ANKRD36C: variants seen among roughly 807,000 people sequenced by gnomAD.
The protein encoded by ANKRD36C is ankyrin repeat domain-containing protein 36C.
Under a neutral mutation model 276.4 loss-of-function variants are expected in ANKRD36C, and 61 were observed. The observed-to-expected ratio is 0.22, with a 90% CI of 0.18 to 0.27. ANKRD36C has a LOEUF of 0.27. Ranked by LOEUF, ANKRD36C falls within the 10% of genes least tolerant of loss-of-function variation. The pLI is 1.00. For synonymous variants in ANKRD36C, 483 were observed against 680.1 expected (o/e 0.71, Z 4.51); for missense variants, 1,447 against 2,032.3 (o/e 0.71, Z 5.54).
At chr2:95,944,636 A>G (rs1677983566) in exon 19 of ANKRD36C, 1 of 1,537,212 alleles carries the variant, frequency 6.5e-7, no homozygotes, top group African/African-American at 1.4e-5. Flanking sequence ...CCTTATCAAC[A>G]TTTTGGTCTT....
chr2:95,856,043 A>G lies in ANKRD36C; in HGVS notation c.4218T>C (p.Ile1406=), dbSNP rs1265499534. ...GAAGGTCTTCATGCTTTCTTTTCAC[A>G]ATTTCAAAGTCTTTTAAGTATTTCT... The change falls in exon 63 of 67, where the codon ATT becomes ATC. Residue 1406 remains isoleucine, a synonymous_variant. Transcript: ENST00000456556. 5.0e-6 allele frequency: 8 copies of G among 1,607,840 alleles called. No individual in the cohort carries two copies. The Admixed American group carries it at 6.8e-5, about 14-fold the overall frequency.
At chr2:95,912,267 T>C in exon 42 of ANKRD36C, 2 of 1,554,330 alleles carry the variant, frequency 1.3e-6, no homozygotes, top group Non-Finnish European at 1.7e-6. Flanking sequence ...TTCTCCATCC[T>C]TTTTTTCTCT....
In ANKRD36C at chr2:95,893,642, T is replaced by G. The variant is rs777132422; in HGVS notation, c.2756-1782A>C. 3 of 1,592,446 alleles carry G rather than the reference T, an allele frequency of 1.9e-6. No individual in the cohort carries two copies. The African/African-American group carries it at 4.1e-5, about 22-fold the overall frequency. ...TTGAAATGAAATAATAAATAAAATA[T>G]GTTTCATAGACCATACATTAACTCG... On this transcript the variant is annotated intron_variant, in intron 44 of 66. Transcript: ENST00000456556.
chr2:95,896,254 C>G (rs1381806044), intron 44 of ANKRD36C, among the ~76,000 whole-genome samples: 1 of 149,416 alleles, frequency 6.7e-6, no homozygotes, highest in African/African-American at 2.5e-5. Context: ...CTCTTGGCAC[C>G]AAAGGATAAT....
At chr2:95,856,440 T>TA (rs939838484) in intron 62 of ANKRD36C, among the ~76,000 whole-genome samples, 5 of 152,140 alleles carry the variant, frequency 3.3e-5, no homozygotes, top group Admixed American at 1.3e-4. Flanking sequence ...AATTTCAGGA[T>TA]AAAAAAAGGC....
chr2:95,962,353 T>C, exon 8 of ANKRD36C: 2 of 1,554,220 alleles, frequency 1.3e-6, no homozygotes, highest in Non-Finnish European at 1.7e-6. Flanking sequence ...CCAAAATACC[T>C]GTCCCAGATT....
chr2:95,963,383 A>G lies in ANKRD36C; in HGVS notation c.800-836T>C, dbSNP rs559339999. Among the ~76,000 whole-genome samples the G allele has an allele frequency of 7.2e-5, 11 of 152,084 alleles. No homozygotes were observed. In the South Asian group the frequency reaches 2.3e-3, roughly 32 times the overall value. On this transcript the variant is annotated intron_variant, in intron 6 of 66. Transcript: ENST00000456556. The stretch of plus-strand genomic sequence containing the variant: ...TTATTAATCAATTAATGGATTCAAC[A>G]TTATTTTTGTTTCTAAAATAGTCTG...
chr2:95,911,189 A>G (rs1676911860), intron 42 of ANKRD36C, among the ~76,000 whole-genome samples: 1 of 151,462 alleles, frequency 6.6e-6, no homozygotes, highest in African/African-American at 2.4e-5. Context: ...TCTTTCATCC[A>G]CTAGTTTAGC....
At chr2:95,916,407 G>A (rs761811287) in intron 36 of ANKRD36C, among the ~76,000 whole-genome samples, 3 of 151,466 alleles carry the variant, frequency 2.0e-5, no homozygotes, top group East Asian at 2.0e-4. Context: ...GTCATGTGTC[G>A]AAAACTAAAA....
chr2:95,980,083 G>T (rs183891952), intron 5 of ANKRD36C, among the ~76,000 whole-genome samples: 7 of 152,172 alleles, frequency 4.6e-5, no homozygotes, highest in Non-Finnish European at 8.8e-5. Context: ...ATCACTACCA[G>T]ACTGCAAGAG....
chr2:95,889,679 A>C, intron 48 of ANKRD36C, 120 bp downstream of exon 68: 2 of 1,360,484 alleles, frequency 1.5e-6, no homozygotes, highest in Non-Finnish European at 2.0e-6. Flanking sequence ...CAAATGAATA[A>C]TCTCAGGAAT....
chr2:95,925,290 G>A, intron 30 of ANKRD36C, 62 bp downstream of exon 30: 1 of 1,545,226 alleles, frequency 6.5e-7, no homozygotes, highest in Non-Finnish European at 8.7e-7. Flanking sequence ...GATCTATTCA[G>A]GGGTGGGACG....
chr2:95,879,045 A>G (rs921454481), intron 58 of ANKRD36C, among the ~76,000 whole-genome samples: 15 of 152,236 alleles, frequency 9.9e-5, no homozygotes, highest in Non-Finnish European at 2.2e-4. Context: ...AATAGCCATA[A>G]TTTGGAATCA....
In ANKRD36C at chr2:95,957,713, T is replaced by A. The variant is rs562524864; in HGVS notation, c.1105+878A>T. 9.8e-5 allele frequency among the ~76,000 whole-genome samples: 15 copies of A among 152,378 alleles called. No individual in the cohort carries two copies. In the East Asian group the frequency reaches 1.5e-3, roughly 16 times the overall value. ...CTCCAATATTCAATAAAAATAAATATTTTAGGTGTCAATTAAAGAATTTAA... is the reference window on the plus strand; with the variant it reads ...CTCCAATATTCAATAAAAATAAATAATTTAGGTGTCAATTAAAGAATTTAA... On this transcript the variant is annotated intron_variant, in intron 12 of 66. Coordinates refer to ENST00000456556, the Ensembl canonical transcript of ANKRD36C.
At chr2:95,988,549 T>C (rs547453107) in intron 1 of ANKRD36C, among the ~76,000 whole-genome samples, 1 of 152,182 alleles carries the variant, frequency 6.6e-6, no homozygotes, top group Non-Finnish European at 1.5e-5. Flanking sequence ...TGCTACATAA[T>C]AGGTATTCAG....
At chr2:95,981,045 C>G (rs933499551) in intron 4 of ANKRD36C, among the ~76,000 whole-genome samples, 2 of 152,044 alleles carry the variant, frequency 1.3e-5, no homozygotes, top group African/African-American at 4.8e-5. Flanking sequence ...GGGCAAGAAA[C>G]TATGCTCAGG....
chr2:95,896,909 G>C (rs1210350076), intron 44 of ANKRD36C, among the ~76,000 whole-genome samples: 1 of 148,320 alleles, frequency 6.7e-6, no homozygotes, highest in Non-Finnish European at 1.5e-5. Flanking sequence ...GTCTTTTCTT[G>C]GCAGTACGAT....
At position 95,925,833 on chromosome 2, in the gene ANKRD36C, T is replaced by C. The variant is rs559885748; in HGVS notation, c.1940-286A>G. Among the ~76,000 whole-genome samples the C allele has an allele frequency of 4.0e-5, 6 of 151,694 alleles. No homozygotes were observed. In the South Asian group the frequency reaches 1.2e-3, roughly 31 times the overall value. On this transcript the variant is annotated intron_variant, in intron 28 of 66. Transcript: ENST00000456556. ...ATATCAATGTGGATATGCCGAATGA[T>C]GAAAAGAAATGTGATCTAAAATCAG...
intron 3 of ANKRD36C, among the ~76,000 whole-genome samples, chr2:95,983,326 T>C (rs1460990627): frequency 6.6e-6 from 1 of 151,786 alleles, no homozygotes; most frequent in Non-Finnish European, 1.5e-5. Flanking sequence ...CAGAAAGCTC[T>C]GTATGAAATG....
Sources: gnomAD v4.1 joint callset for allele counts (sites outside exome capture counted in the v4.1 genomes callset) on GRCh38, gnomAD v4.1.1 for gene constraint, MANE v1.5 for transcripts, NCBI Gene and HGNC (gene_info 2026-07-23, HGNC 2026-07-21) for gene names.